The following ATG10 variants were observed in gnomAD, a reference collection of about 807,000 sequenced individuals.
ATG10 encodes the protein autophagy related 10.
ATG10 carries 30 observed loss-of-function variants against 32.1 expected under a neutral mutation model. The observed-to-expected ratio is 0.94, with a 90% confidence interval of 0.70 to 1.27. The LOEUF (loss-of-function observed/expected upper bound fraction) is 1.27, where lower values mean the gene tolerates loss of function less well. ATG10 is among the 50% of genes most tolerant of loss of function. The pLI, the probability that ATG10 is intolerant of heterozygous loss-of-function variation, is 0.00. For missense variants in ATG10, 233 were observed against 262.3 expected (o/e 0.89, Z 0.77); for synonymous variants, 87 against 91.5 (o/e 0.95, Z 0.28).
At chr5:81,979,523 G>C (rs966610209) in intron 1 of ATG10, among the ~76,000 whole-genome samples, 1 of 151,708 alleles carries the variant, frequency 6.6e-6, no homozygotes, top group Non-Finnish European at 1.5e-5. Context: ...GCGACACTCC[G>C]TCTCAAAAAA....
intron 2 of ATG10, among the ~76,000 whole-genome samples, chr5:81,993,370 T>TCC (rs771784374): frequency 6.2e-5 from 2 of 32,394 alleles, no homozygotes; most frequent in Admixed American, 3.0e-4. Flanking sequence ...CTTCTTTTCT[T>TCC]TTCTTTTCTT....
At chr5:82,186,948 T>A (rs539866180) in intron 5 of ATG10, among the ~76,000 whole-genome samples, 17 of 152,288 alleles carry the variant, frequency 1.1e-4, no homozygotes, top group African/African-American at 4.1e-4. Flanking sequence ...CTTTTCCTGT[T>A]TGGGGAAACA....
At chr5:82,099,779 G>A (rs1280677271) in intron 3 of ATG10, among the ~76,000 whole-genome samples, 1 of 151,904 alleles carries the variant, frequency 6.6e-6, no homozygotes, top group Non-Finnish European at 1.5e-5. Context: ...TTTTTCTGAA[G>A]GCCTAAGCTA....
chr5:82,089,358 T>C (rs1292012654), intron 3 of ATG10, among the ~76,000 whole-genome samples: 1 of 150,946 alleles, frequency 6.6e-6, no homozygotes, highest in Admixed American at 6.6e-5. Context: ...AAAAAAAGAT[T>C]GCATGGTATT....
intron 5 of ATG10, among the ~76,000 whole-genome samples, chr5:82,241,010 A>G (rs1456999407): frequency 6.6e-6 from 1 of 152,224 alleles, no homozygotes; most frequent in African/African-American, 2.4e-5. Context: ...AACCCAGTGC[A>G]TAGCCCACAT....
At chr5:82,075,449 A>T (rs528574611) in intron 3 of ATG10, among the ~76,000 whole-genome samples, 2 of 152,240 alleles carry the variant, frequency 1.3e-5, no homozygotes, top group African/African-American at 2.4e-5. Context: ...TTTAGTTTGT[A>T]TTTAGTTGTT....
intron 3 of ATG10, among the ~76,000 whole-genome samples, chr5:82,142,214 A>G (rs1315052024): frequency 6.6e-6 from 1 of 152,244 alleles, no homozygotes; most frequent in Non-Finnish European, 1.5e-5. Flanking sequence ...TCCTCAAGCC[A>G]ACAGGCTAGT....
chr5:82,138,022 CTG>C (rs1400788014), intron 3 of ATG10, among the ~76,000 whole-genome samples: 1 of 152,202 alleles, frequency 6.6e-6, no homozygotes, highest in Non-Finnish European at 1.5e-5. Flanking sequence ...TTTGTTTATA[CTG>C]TGAGGGGAAA....
chr5:82,137,873 C>A (rs947120123), intron 3 of ATG10, among the ~76,000 whole-genome samples: 2 of 152,220 alleles, frequency 1.3e-5, no homozygotes, highest in African/African-American at 2.4e-5. Context: ...TGTCTCTAAG[C>A]CCCTCACTGG....
At position 82,209,965 on chromosome 5, in the gene ATG10, A is replaced by G. The variant is rs74954380; in HGVS notation, c.453+31378A>G. Among the ~76,000 whole-genome samples the G allele has an allele frequency of 6.0e-3, 919 of 152,232 alleles. 3 individuals are homozygous for G. The highest frequency in any genetic ancestry group is 9.7e-3 in the Non-Finnish European group (663 of 68,002). Reference sequence around the variant, plus strand: ...TGTTAATCTGCTCTGAAAGTCTTTCATTGAATTCTAAATTTGAGATGTAGT... The same window carrying G: ...TGTTAATCTGCTCTGAAAGTCTTTCGTTGAATTCTAAATTTGAGATGTAGT... On this transcript the variant is annotated intron_variant, in intron 5 of 7. Coordinates refer to ENST00000282185, the MANE Select transcript of ATG10 (RefSeq NM_031482.5).
chr5:82,107,542 T>C (rs974474817), intron 3 of ATG10, among the ~76,000 whole-genome samples: 5 of 152,164 alleles, frequency 3.3e-5, no homozygotes, highest in Non-Finnish European at 7.3e-5. Flanking sequence ...TAAAAATATT[T>C]TCTTTCACTT....
At chr5:82,144,654 T>G (rs1012524761) in intron 3 of ATG10, among the ~76,000 whole-genome samples, 7 of 151,998 alleles carry the variant, frequency 4.6e-5, no homozygotes, top group Admixed American at 2.0e-4. Context: ...TAATTTAATT[T>G]ATTTTGGTCA....
intron 5 of ATG10, among the ~76,000 whole-genome samples, chr5:82,234,125 T>C (rs967928508): frequency 3.3e-5 from 5 of 152,124 alleles, no homozygotes; most frequent in African/African-American, 1.2e-4. Context: ...GTGCCAACAT[T>C]CTGTGTCCGG....
intron 5 of ATG10, among the ~76,000 whole-genome samples, chr5:82,213,937 G>A (rs560564317): frequency 1.8e-4 from 28 of 152,158 alleles, no homozygotes; most frequent in South Asian, 4.2e-4. Context: ...GCTCTCTCTC[G>A]ACTTTGGGCC....
rs199978815 is a variant in ATG10 at position 82,174,101 on chromosome 5, TTAA to T, written c.356-4384_356-4382del. Among the ~76,000 whole-genome samples the T allele has an allele frequency of 1.0e-3, 152 of 152,348 alleles. 4 individuals carry two copies. The East Asian group carries it at 0.028, about 28-fold the overall frequency. On this transcript the variant is annotated intron_variant, in intron 4 of 7. Coordinates refer to ENST00000282185, the MANE Select transcript of ATG10 (RefSeq NM_031482.5). ...ATCATATTTGAATGCATTTTAGATA[TTAA>T]TAATGTATGCCACGATTTTGAAGAT... is the stretch of plus-strand genomic sequence containing the variant.
At chr5:82,091,491 A>G (rs750582970) in intron 3 of ATG10, among the ~76,000 whole-genome samples, 2 of 152,184 alleles carry the variant, frequency 1.3e-5, no homozygotes, top group Non-Finnish European at 2.9e-5. Context: ...TCATTTGAGT[A>G]TATACTTTGC....
chr5:82,247,545 TTC>T (rs1747085083), intron 5 of ATG10, among the ~76,000 whole-genome samples: 1 of 152,202 alleles, frequency 6.6e-6, no homozygotes, highest in Non-Finnish European at 1.5e-5. Flanking sequence ...GTCATAATTT[TTC>T]TGTTTTAATT....
intron 3 of ATG10, among the ~76,000 whole-genome samples, chr5:82,121,941 GTTTTTT>G (rs77349086): frequency 8.3e-6 from 1 of 121,018 alleles, no homozygotes; most frequent in African/African-American, 3.3e-5. Flanking sequence ...TTGGCCTGAA[GTTTTTT>G]TTTTTTTTTT....
intron 5 of ATG10, among the ~76,000 whole-genome samples, chr5:82,246,884 A>G (rs1440916595): frequency 1.4e-5 from 2 of 147,640 alleles, no homozygotes; most frequent in African/African-American, 2.5e-5. Flanking sequence ...CCCTGGGAAT[A>G]TATTTATATT....
Sources: gnomAD v4.1 joint callset for allele counts (sites outside exome capture counted in the v4.1 genomes callset) on GRCh38, gnomAD v4.1.1 for gene constraint, MANE v1.5 for transcripts, NCBI Gene and HGNC (gene_info 2026-07-23, HGNC 2026-07-21) for gene names.